STARD7: variants seen among roughly 807,000 people sequenced by gnomAD.
The protein encoded by STARD7 is StAR related lipid transfer domain containing 7, also known as stAR-related lipid transfer protein 7, mitochondrial.
STARD7 carries 30 observed loss-of-function variants against 45.3 expected under a neutral mutation model. The ratio of observed to expected loss-of-function variants is 0.66; its 90% CI spans 0.50 to 0.90. STARD7 has a LOEUF of 0.90. STARD7 is among the 40% of genes least tolerant of loss of function. The pLI is 0.00. For missense variants in STARD7, 495 were observed against 491.3 expected (o/e 1.01, Z -0.07); for synonymous variants, 199 against 183.0 (o/e 1.09, Z -0.70).
intron 1 of STARD7, among the ~76,000 whole-genome samples, chr2:96,202,484 T>G (rs568156021): frequency 6.6e-6 from 1 of 151,936 alleles, no homozygotes; most frequent in Admixed American, 6.6e-5. Flanking sequence ...AGAAGGAACC[T>G]TAGGATAGGC....
At chr2:96,187,485 G>A in intron 6 of STARD7, 184 bp from the exon 7 acceptor site, 2 of 530,490 alleles carry the variant, frequency 3.8e-6, no homozygotes, top group East Asian at 3.2e-5. Context: ...AGGTCTCCTT[G>A]CAATGTTGAC....
intron 1 of STARD7, among the ~76,000 whole-genome samples, chr2:96,204,964 G>T (rs543645800): frequency 3.9e-5 from 6 of 152,220 alleles, no homozygotes; most frequent in African/African-American, 1.2e-4. Flanking sequence ...GAGGTTAATG[G>T]AACATTTTCC....
chr2:96,207,315 T>C (rs1378146358), intron 1 of STARD7, among the ~76,000 whole-genome samples: 1 of 152,232 alleles, frequency 6.6e-6, no homozygotes, highest in Admixed American at 6.5e-5. Flanking sequence ...GGGAGGGGAT[T>C]GTCTCTGGTT....
chr2:96,208,664 A>G lies in STARD7; in HGVS notation c.-230T>C. On this transcript the variant is annotated 5_prime_UTR_variant, in exon 1 of 8. Coordinates refer to ENST00000337288, the MANE Select transcript of STARD7 (RefSeq NM_020151.4). ...ACGCCGGGATGGCTCCGCGACTGCT[A>G]CACCAGGCACTCCTGGGCCCGGGCA... is the stretch of plus-strand genomic sequence containing the variant. 1 of 459,028 alleles carries G rather than the reference A, an allele frequency of 2.2e-6. No individual in the cohort carries two copies. The highest frequency in any genetic ancestry group is 3.8e-6 in the Non-Finnish European group (1 of 262,776). The allele number at this position is 459,028 out of a possible 1,614,324, so 28.4% of individuals were successfully genotyped here. A position where few individuals can be genotyped will look rare whatever the true frequency, so the allele number is the denominator to read the frequency against.
chr2:96,192,549 C>A, intron 5 of STARD7, 81 bp from the exon 6 acceptor site: 2 of 1,044,160 alleles, frequency 1.9e-6, no homozygotes, highest in South Asian at 1.3e-5. Context: ...AGGGGAAGGC[C>A]TAAAAAGCTG....
intron 6 of STARD7, among the ~76,000 whole-genome samples, chr2:96,190,901 C>T (rs1263786375): frequency 1.3e-5 from 2 of 152,144 alleles, no homozygotes; most frequent in African/African-American, 2.4e-5. Context: ...CAGTGGCTCA[C>T]GCCTCTAATC....
intron 1 of STARD7, among the ~76,000 whole-genome samples, chr2:96,204,681 A>C (rs1393789742): frequency 6.6e-6 from 1 of 151,304 alleles, no homozygotes; most frequent in Non-Finnish European, 1.5e-5. Context: ...ATCTAATTTT[A>C]TGTAGCTCTG....
At position 96,185,727 on chromosome 2, in the gene STARD7, T is replaced by C. The variant is rs945512551; in HGVS notation, c.*1003A>G. ...GGGAGTGGCCCAGCCCCCATTCCTC[T>C]GACTTTAGCCTTCTGAAAAGAACAA... is the stretch of plus-strand genomic sequence containing the variant. On this transcript the variant is annotated 3_prime_UTR_variant, in exon 8 of 8. Coordinates refer to ENST00000337288, the MANE Select transcript of STARD7 (RefSeq NM_020151.4). 1.3e-5 allele frequency: 2 copies of C among 152,224 alleles called. No individual in the cohort carries two copies. The highest frequency in any genetic ancestry group is 2.9e-5 in the Non-Finnish European group (2 of 68,056). The allele number at this position is 152,224 out of a possible 1,614,324, so 9.4% of individuals were successfully genotyped here. A position where few individuals can be genotyped will look rare whatever the true frequency, so the allele number is the denominator to read the frequency against.
chr2:96,197,941 A>G (rs754857079), intron 1 of STARD7, among the ~76,000 whole-genome samples: 1 of 152,124 alleles, frequency 6.6e-6, no homozygotes, highest in Admixed American at 6.5e-5. Flanking sequence ...GATAGATCGC[A>G]TTTTGTTTAT....
At position 96,186,349 on chromosome 2, in the gene STARD7, A is replaced by C. The variant is rs566023863; in HGVS notation, c.*381T>G. 133 of 160,666 alleles carry C rather than the reference A, an allele frequency of 8.3e-4. No homozygotes were observed. The highest frequency in any genetic ancestry group is 1.5e-3 in the Non-Finnish European group (110 of 73,604). The allele number at this position is 160,666 out of a possible 1,614,324, so 10.0% of individuals were successfully genotyped here. A position where few individuals can be genotyped will look rare whatever the true frequency, so the allele number is the denominator to read the frequency against. ...TATACTTTCCAGGTGGACCTGGAGA[A>C]CTGAAGGAAATCCAAAGCGCTGCAC... On this transcript the variant is annotated 3_prime_UTR_variant, in exon 8 of 8. Coordinates refer to ENST00000337288, the MANE Select transcript of STARD7 (RefSeq NM_020151.4).
rs539093666 is a variant in STARD7, at chr2:96,197,074, A to ATAACATAACATAAC, written c.291-1526_291-1525insGTTATGTTATGTTA. 3.8e-3 allele frequency among the ~76,000 whole-genome samples: 483 copies of ATAACATAACATAAC among 128,168 alleles called. 15 individuals are homozygous for ATAACATAACATAAC. Among genetic ancestry groups the ATAACATAACATAAC allele is most frequent in the East Asian group, 0.015 (65 of 4,328 alleles). 84.1% of individuals were successfully genotyped at this position (128,168 alleles called of 152,430 possible). On this transcript the variant is annotated intron_variant, in intron 1 of 7. Coordinates refer to ENST00000337288, the MANE Select transcript of STARD7 (RefSeq NM_020151.4). ...AGAGCGAAACTCCGTCTCAAAATAA[A>ATAACATAACATAAC]ATAAAATAAAATAAAATAAAATAAA...
intron 6 of STARD7, among the ~76,000 whole-genome samples, chr2:96,189,238 C>G (rs188097845): frequency 6.6e-6 from 1 of 152,160 alleles, no homozygotes; most frequent in Non-Finnish European, 1.5e-5. Context: ...CATGAGCTAC[C>G]GTGCTCAGCC....
At chr2:96,207,902 C>G (rs1683423740) in intron 1 of STARD7, among the ~76,000 whole-genome samples, 2 of 152,196 alleles carry the variant, frequency 1.3e-5, no homozygotes, top group African/African-American at 4.8e-5. Flanking sequence ...GTCTTGCTCG[C>G]CCCACTCAAA....
intron 1 of STARD7, 66 bp from the exon 2 acceptor site, chr2:96,195,615 A>G: frequency 7.7e-7 from 1 of 1,292,658 alleles, no homozygotes; most frequent in Non-Finnish European, 1.1e-6. Flanking sequence ...GTGTCCACAC[A>G]AAGGTCTGTG....
At chr2:96,194,365 G>GAA (rs79335761) in intron 3 of STARD7, among the ~76,000 whole-genome samples, 1 of 140,472 alleles carries the variant, frequency 7.1e-6, no homozygotes. Context: ...GGAGAGGAAA[G>GAA]AAAAAAAAAA....
chr2:96,208,428 G>A lies in STARD7; in HGVS notation c.7C>T (p.Pro3Ser). 5.8e-6 allele frequency: 8 copies of A among 1,377,506 alleles called. No homozygotes were observed. The highest frequency in any genetic ancestry group is 7.4e-6 in the Non-Finnish European group (8 of 1,076,516). 85.3% of individuals were successfully genotyped at this position (1,377,506 alleles called of 1,614,324 possible). Residue 3 changes from proline (P) to serine (S), a missense_variant, in exon 1 of 8, where the codon CCG becomes TCG. Physicochemically the swap from Pro to Ser is moderately conservative, Grantham distance 74. This residue lies in a region of STARD7 where 282 missense variants were observed against 220.1 expected (regional missense o/e 1.28). Coordinates refer to ENST00000337288, the MANE Select transcript of STARD7 (RefSeq NM_020151.4). ...AGCCAGGCGGCCAGCAGCCTCCGCG[G>A]GAGCATGCCGCCTCCCGCAGGGCCC... Reference protein sequence around the residue: MLPRRLLAAWLAG... With the variant: MLSRRLLAAWLAG...
At chr2:96,194,886 T>C (rs1683178637) in intron 3 of STARD7, 72 bp downstream of exon 3, 1 of 1,301,990 alleles carries the variant, frequency 7.7e-7, no homozygotes, top group South Asian at 1.3e-5. Context: ...CTGAGTCAGA[T>C]AAATGATTCA....
chr2:96,198,227 A>G (rs553564979), intron 1 of STARD7, among the ~76,000 whole-genome samples: 124 of 151,942 alleles, frequency 8.2e-4, no homozygotes, highest in Non-Finnish European at 1.4e-3. Context: ...GGAGGCTGAG[A>G]CAGGAGAATT....
chr2:96,191,486 C>G (rs1479145467), intron 6 of STARD7, among the ~76,000 whole-genome samples: 1 of 152,130 alleles, frequency 6.6e-6, no homozygotes, highest in Non-Finnish European at 1.5e-5. Flanking sequence ...TTCGAGTACC[C>G]TCTGTACACA....
Sources: allele counts gnomAD v4.1 joint callset (sites outside exome capture counted in the v4.1 genomes callset), GRCh38; gene constraint gnomAD v4.1.1; regional missense constraint gnomAD v4.1.1; transcripts MANE v1.5; gene names NCBI Gene and HGNC (gene_info 2026-07-23, HGNC 2026-07-21).